The following FGF2 variants were observed in gnomAD, a reference collection of about 807,000 sequenced individuals.
FGF2 encodes fibroblast growth factor 2, also known as basic fibroblast growth factor bFGF.
FGF2 carries 13 observed loss-of-function variants against 15.9 expected under a neutral mutation model. The ratio of observed to expected loss-of-function variants is 0.82; its 90% CI spans 0.53 to 1.30. The LOEUF (loss-of-function observed/expected upper bound fraction) is 1.30, where lower values mean the gene tolerates loss of function less well. Ranked by LOEUF, FGF2 falls within the 50% of genes most tolerant of loss-of-function variation. FGF2 has a pLI of 0.00. For synonymous variants in FGF2, 90 were observed against 78.4 expected (o/e 1.15, Z -0.78); for missense variants, 163 against 196.9 (o/e 0.83, Z 1.03).
intron 1 of FGF2, among the ~76,000 whole-genome samples, chr4:122,836,211 C>T (rs763787672): frequency 5.9e-5 from 9 of 152,226 alleles, no homozygotes; most frequent in African/African-American, 9.6e-5. Flanking sequence ...TATCCTCACA[C>T]ACAGTGGCCA....
chr4:122,879,701 C>G (rs1315497857), intron 2 of FGF2, among the ~76,000 whole-genome samples: 1 of 152,178 alleles, frequency 6.6e-6, no homozygotes, highest in Non-Finnish European at 1.5e-5. Context: ...GCCTCACAAT[C>G]ATGGCGGAAG....
rs543868126 is a variant in FGF2 at position 122,834,586 on chromosome 4, T to C, written c.178+7234T>C. On this transcript the variant is annotated intron_variant, in intron 1 of 2. Coordinates refer to ENST00000644866, the MANE Select transcript of FGF2 (RefSeq NM_001361665.2). ...GACTTCTTGATAATTCCTTGGCTTC[T>C]ATTACATCACATCAACCTGGTTCTC... Among the ~76,000 whole-genome samples, 8 of 152,354 alleles carry C rather than the reference T, an allele frequency of 5.3e-5. No homozygotes were observed. The South Asian group carries it at 1.7e-3, about 32-fold the overall frequency.
Position 122,847,883 on chromosome 4 carries a change from A to G in FGF2, c.178+20531A>G, listed in dbSNP as rs561298342. Among the ~76,000 whole-genome samples the G allele has an allele frequency of 2.0e-5, 3 of 152,328 alleles. No individual in the cohort carries two copies. In the South Asian group the frequency reaches 6.2e-4, roughly 32 times the overall value. On this transcript the variant is annotated intron_variant, in intron 1 of 2. Coordinates refer to ENST00000644866, the MANE Select transcript of FGF2 (RefSeq NM_001361665.2). ...TGATTTGATGTGGGCCCCCCACAAT[A>G]TGGAGGGCAATCTACTCTACTCAAA...
At chr4:122,872,566 A>G (rs554059413) in intron 1 of FGF2, among the ~76,000 whole-genome samples, 1 of 151,836 alleles carries the variant, frequency 6.6e-6, no homozygotes, top group South Asian at 2.1e-4. Context: ...CCCAAGACAC[A>G]TAATCGTCAG....
At chr4:122,883,666 G>A (rs73844953) in intron 2 of FGF2, among the ~76,000 whole-genome samples, 2,983 of 152,220 alleles carry the variant, frequency 0.02, 102 homozygotes, top group African/African-American at 0.067. Context: ...GAAGTTAATT[G>A]TAGTTTTAAG....
intron 2 of FGF2, among the ~76,000 whole-genome samples, chr4:122,880,422 A>G (rs1307387799): frequency 6.6e-6 from 1 of 151,624 alleles, no homozygotes; most frequent in Non-Finnish European, 1.5e-5. Context: ...AATTTTTTGC[A>G]TTTTTTTAGT....
chr4:122,853,679 A>G (rs898863054), intron 1 of FGF2, among the ~76,000 whole-genome samples: 8 of 152,178 alleles, frequency 5.3e-5, no homozygotes, highest in African/African-American at 1.2e-4. Context: ...TGGGTTACGC[A>G]TCCATACCCA....
At chr4:122,876,275 T>A (rs775398570) in intron 1 of FGF2, 46 bp from the exon 2 acceptor site, 2 of 1,092,616 alleles carry the variant, frequency 1.8e-6, no homozygotes, top group South Asian at 2.5e-5. Flanking sequence ...TGAAGAAGGC[T>A]CTTTCCTCTG....
intron 1 of FGF2, among the ~76,000 whole-genome samples, chr4:122,844,749 A>C: frequency 6.7e-6 from 1 of 148,848 alleles, no homozygotes; most frequent in African/African-American, 2.5e-5. Context: ...TGTTCCTCCC[A>C]CCTCAGCCTC....
intron 2 of FGF2, among the ~76,000 whole-genome samples, chr4:122,885,096 C>T (rs1386225846): frequency 6.6e-6 from 1 of 152,186 alleles, no homozygotes; most frequent in East Asian, 1.9e-4. Context: ...GTCATCTGGT[C>T]TATTTTCCTT....
chr4:122,867,948 A>G (rs1726635829), intron 1 of FGF2, among the ~76,000 whole-genome samples: 1 of 152,162 alleles, frequency 6.6e-6, no homozygotes, highest in African/African-American at 2.4e-5. Flanking sequence ...GCTTTCTTAT[A>G]CTGAAGGTCT....
intron 2 of FGF2, among the ~76,000 whole-genome samples, chr4:122,891,102 G>C (rs1164547950): frequency 2.0e-5 from 3 of 148,274 alleles, no homozygotes; most frequent in African/African-American, 5.0e-5. Flanking sequence ...GTGCAGTGGC[G>C]CGATCTCGGC....
chr4:122,882,260 T>A (rs1726975037), intron 2 of FGF2: 1 of 152,236 alleles, frequency 6.6e-6, no homozygotes, highest in Admixed American at 6.5e-5. Context: ...GAATATTGAT[T>A]CATTGACAAT....
chr4:122,834,211 G>A (rs557658181), intron 1 of FGF2, among the ~76,000 whole-genome samples: 5 of 152,214 alleles, frequency 3.3e-5, no homozygotes, highest in Admixed American at 2.0e-4. Context: ...TGCAAAGGGC[G>A]TGAACTTCTG....
chr4:122,869,489 GT>G (rs1160380297), intron 1 of FGF2, among the ~76,000 whole-genome samples: 2 of 152,102 alleles, frequency 1.3e-5, no homozygotes, highest in Non-Finnish European at 2.9e-5. Flanking sequence ...TTTTCCATTT[GT>G]TTGCATTCTC....
intron 1 of FGF2, among the ~76,000 whole-genome samples, chr4:122,830,456 C>T (rs1369607514): frequency 6.6e-6 from 1 of 152,170 alleles, no homozygotes; most frequent in Non-Finnish European, 1.5e-5. Context: ...CCTGAATTTG[C>T]ACTCAAAAGG....
At chr4:122,835,135 G>A (rs1345874150) in intron 1 of FGF2, among the ~76,000 whole-genome samples, 2 of 152,096 alleles carry the variant, frequency 1.3e-5, no homozygotes, top group Non-Finnish European at 2.9e-5. Context: ...CCAAACTGCT[G>A]TTGAAAAACT....
chr4:122,845,482 A>G (rs556094923), intron 1 of FGF2, among the ~76,000 whole-genome samples: 1 of 152,342 alleles, frequency 6.6e-6, no homozygotes, highest in South Asian at 2.1e-4. Flanking sequence ...TTCCAAGAAA[A>G]GGCTGTTTTG....
chr4:122,852,727 C>A (rs191363584), intron 1 of FGF2, among the ~76,000 whole-genome samples: 1 of 152,186 alleles, frequency 6.6e-6, no homozygotes, highest in Non-Finnish European at 1.5e-5. Context: ...TTCCACTGCT[C>A]ATTTTTTACC....
Sources: allele counts gnomAD v4.1 joint callset (sites outside exome capture counted in the v4.1 genomes callset), GRCh38; gene constraint gnomAD v4.1.1; transcripts MANE v1.5; gene names NCBI Gene and HGNC (gene_info 2026-07-23, HGNC 2026-07-21).